The following HS6ST3 variants were observed in gnomAD, a reference collection of about 807,000 sequenced individuals.
HS6ST3 encodes the protein heparan-sulfate 6-O-sulfotransferase 3.
Under a neutral mutation model 36.7 loss-of-function variants are expected in HS6ST3, and 12 were observed. That is an observed-to-expected ratio of 0.33 (90% confidence interval 0.21 to 0.53). The LOEUF is 0.53. HS6ST3 is among the 20% of genes least tolerant of loss of function. The pLI, the probability that HS6ST3 is intolerant of heterozygous loss-of-function variation, is 0.95. For missense variants in HS6ST3, 584 were observed against 640.9 expected, an observed-to-expected ratio of 0.91 and a Z score of 0.96; for synonymous variants, 240 against 257.5, an observed-to-expected ratio of 0.93 and a Z score of 0.65.
chr13:96,105,565 A>C (rs1259450614), intron 1 of HS6ST3, among the ~76,000 whole-genome samples: 1 of 152,076 alleles, frequency 6.6e-6, no homozygotes, highest in African/African-American at 2.4e-5. Context: ...CAGGATAATC[A>C]TTTGAGCCCG....
chr13:96,546,572 G>A (rs903748172), intron 1 of HS6ST3, among the ~76,000 whole-genome samples: 7 of 152,136 alleles, frequency 4.6e-5, no homozygotes, highest in Non-Finnish European at 1.0e-4. Context: ...GCTTTACAAT[G>A]TGCCTAACAT....
rs898061236 is a variant in HS6ST3, at chr13:96,374,624, A to G, written c.707+283055A>G. Among the ~76,000 whole-genome samples the G allele has an allele frequency of 3.3e-5, 5 of 152,114 alleles. No homozygotes were observed. The East Asian group carries it at 7.7e-4, about 23-fold the overall frequency. On this transcript the variant is annotated intron_variant, in intron 1 of 1. Coordinates refer to ENST00000376705, the MANE Select transcript of HS6ST3 (RefSeq NM_153456.4). Reference sequence around the variant, plus strand: ...CCTTGAGTAGCTTTCTTTAGTCATTAGATGTTTGCCATGGGATAAGGGCTA... The same window carrying G: ...CCTTGAGTAGCTTTCTTTAGTCATTGGATGTTTGCCATGGGATAAGGGCTA...
intron 1 of HS6ST3, among the ~76,000 whole-genome samples, chr13:96,415,623 T>C (rs1236685159): frequency 6.6e-6 from 1 of 152,132 alleles, no homozygotes; most frequent in African/African-American, 2.4e-5. Flanking sequence ...TGGAAGACCT[T>C]TGATTGGCTT....
chr13:96,731,420 AT>A (rs1389400150), intron 1 of HS6ST3, among the ~76,000 whole-genome samples: 1 of 151,788 alleles, frequency 6.6e-6, no homozygotes, highest in East Asian at 1.9e-4. Context: ...AAATGACGGG[AT>A]TTCCTTCTTT....
At chr13:96,475,347 G>T (rs1293184932) in intron 1 of HS6ST3, among the ~76,000 whole-genome samples, 1 of 152,112 alleles carries the variant, frequency 6.6e-6, no homozygotes. Flanking sequence ...ATGACAGGAA[G>T]CTGATAGAAG....
intron 1 of HS6ST3, among the ~76,000 whole-genome samples, chr13:96,768,811 C>T (rs148356978): frequency 7.2e-4 from 109 of 152,062 alleles, no homozygotes; most frequent in African/African-American, 2.1e-3. Flanking sequence ...TTATTCACAG[C>T]ACAATATCTA....
chr13:96,590,518 C>T (rs1217051164), intron 1 of HS6ST3, among the ~76,000 whole-genome samples: 1 of 151,858 alleles, frequency 6.6e-6, no homozygotes. Context: ...ATCTTTTGCC[C>T]ATTTTTAAAT....
intron 1 of HS6ST3, among the ~76,000 whole-genome samples, chr13:96,668,681 C>T (rs950059043): frequency 6.1e-4 from 68 of 110,942 alleles, no homozygotes; most frequent in African/African-American, 2.3e-3. Context: ...CACAGTAGTG[C>T]CAACCTTTTT....
At chr13:96,823,722 C>T (rs751145955) in intron 1 of HS6ST3, among the ~76,000 whole-genome samples, 4 of 152,034 alleles carry the variant, frequency 2.6e-5, no homozygotes, top group Non-Finnish European at 5.9e-5. Flanking sequence ...CATGTTCAAG[C>T]AATTCTCCTA....
At chr13:96,507,800 TAAAATC>T (rs2056032511) in intron 1 of HS6ST3, among the ~76,000 whole-genome samples, 1 of 152,000 alleles carries the variant, frequency 6.6e-6, no homozygotes, top group Admixed American at 6.6e-5. Flanking sequence ...TCCAGAAAAA[TAAAATC>T]AAAATAACTT....
chr13:96,595,481 T>G (rs1291952517), intron 1 of HS6ST3, among the ~76,000 whole-genome samples: 1 of 152,026 alleles, frequency 6.6e-6, no homozygotes, highest in East Asian at 1.9e-4. Flanking sequence ...TCTCTCTTTG[T>G]TTTTTATTTT....
chr13:96,651,587 G>T (rs1413782709), intron 1 of HS6ST3, among the ~76,000 whole-genome samples: 1 of 151,938 alleles, frequency 6.6e-6, no homozygotes. Context: ...GCAGAACTCT[G>T]ATTCCTTCTC....
intron 1 of HS6ST3, among the ~76,000 whole-genome samples, chr13:96,545,614 A>G (rs563726482): frequency 2.2e-4 from 34 of 152,354 alleles, no homozygotes; most frequent in African/African-American, 7.0e-4. Flanking sequence ...CCAAATCTCT[A>G]TAAGGAGATA....
intron 1 of HS6ST3, among the ~76,000 whole-genome samples, chr13:96,140,993 C>T (rs73546915): frequency 1.3e-5 from 2 of 152,084 alleles, no homozygotes; most frequent in African/African-American, 4.8e-5. Context: ...CCAGATTTTC[C>T]GAAGAAAATC....
Position 96,705,188 on chromosome 13 carries a change from G to A in HS6ST3, c.708-127302G>A, listed in dbSNP as rs1400278923. 2.6e-5 allele frequency among the ~76,000 whole-genome samples: 4 copies of A among 152,076 alleles called. No homozygotes were observed. The South Asian group carries it at 6.2e-4, about 24-fold the overall frequency. Reference sequence around the variant, plus strand: ...CCTCTTGGTGTTGTACATTCTATGGGTTTGGACAAATGTATAATGATTGGC... The same window carrying A: ...CCTCTTGGTGTTGTACATTCTATGGATTTGGACAAATGTATAATGATTGGC... On this transcript the variant is annotated intron_variant, in intron 1 of 1. Transcript: ENST00000376705.
At chr13:96,402,363 C>T (rs987110344) in intron 1 of HS6ST3, among the ~76,000 whole-genome samples, 1 of 152,100 alleles carries the variant, frequency 6.6e-6, no homozygotes, top group African/African-American at 2.4e-5. Flanking sequence ...ATAATGAATA[C>T]TATATAAGTT....
intron 1 of HS6ST3, among the ~76,000 whole-genome samples, chr13:96,658,306 C>T (rs182718265): frequency 1.0e-4 from 6 of 58,366 alleles, no homozygotes; most frequent in Admixed American, 3.8e-4. Context: ...TTTGAGATGG[C>T]GTCTCACTCT....
intron 1 of HS6ST3, among the ~76,000 whole-genome samples, chr13:96,118,686 A>T (rs1180926327): frequency 0.011 from 247 of 22,572 alleles, 7 homozygotes; most frequent in African/African-American, 0.044. Context: ...ATATATATAT[A>T]TATTTTTTTT....
chr13:96,352,271 C>T (rs2055187594), intron 1 of HS6ST3, among the ~76,000 whole-genome samples: 1 of 152,178 alleles, frequency 6.6e-6, no homozygotes. Context: ...AATTTGCGAA[C>T]AGTTTTGTTG....
Sources: allele counts gnomAD v4.1 joint callset (sites outside exome capture counted in the v4.1 genomes callset), GRCh38; gene constraint gnomAD v4.1.1; transcripts MANE v1.5; gene names NCBI Gene and HGNC (gene_info 2026-07-23, HGNC 2026-07-21).